Variants in CLYBL observed in about 807,000 individuals in gnomAD.
The protein encoded by CLYBL is citramalyl-CoA lyase, also known as citramalyl-CoA lyase, mitochondrial.
In CLYBL, 31 loss-of-function variants were observed where a neutral mutation model predicts 38.9. The ratio of observed to expected loss-of-function variants is 0.80; its 90% CI spans 0.60 to 1.08. The LOEUF (loss-of-function observed/expected upper bound fraction) is 1.08. CLYBL is among the 50% of genes least tolerant of loss of function. The pLI, the probability that CLYBL is intolerant of heterozygous loss-of-function variation, is 0.00. For synonymous variants in CLYBL, 171 were observed against 158.6 expected (o/e 1.08, Z -0.59); for missense variants, 434 against 411.6 (o/e 1.05, Z -0.47).
intron 1 of CLYBL, among the ~76,000 whole-genome samples, chr13:99,618,411 G>GTA (rs1389919830): frequency 1.3e-4 from 20 of 152,066 alleles, no homozygotes; most frequent in African/African-American, 4.1e-4. Context: ...TGGGATTACA[G>GTA]GTGCCCGCCA....
chr13:99,749,902 C>A (rs1398505560), intron 1 of CLYBL, among the ~76,000 whole-genome samples: 1 of 152,162 alleles, frequency 6.6e-6, no homozygotes, highest in Non-Finnish European at 1.5e-5. Flanking sequence ...TACTTGGGAA[C>A]TTAGCAAAGT....
chr13:99,646,907 C>T (rs748163376), intron 1 of CLYBL, among the ~76,000 whole-genome samples: 2 of 152,296 alleles, frequency 1.3e-5, no homozygotes, highest in African/African-American at 4.8e-5. Flanking sequence ...ATAGCTACTT[C>T]TCAGTACCTT....
At chr13:99,637,099 T>G (rs2047028766) in intron 1 of CLYBL, among the ~76,000 whole-genome samples, 1 of 152,198 alleles carries the variant, frequency 6.6e-6, no homozygotes, top group South Asian at 2.1e-4. Flanking sequence ...AGGCTGGTCT[T>G]GAACCCCTGG....
chr13:99,805,501 C>A (rs912974623), intron 2 of CLYBL, among the ~76,000 whole-genome samples: 4 of 151,786 alleles, frequency 2.6e-5, no homozygotes, highest in Admixed American at 1.3e-4. Flanking sequence ...AGAAAGGGAG[C>A]GGTACTGACA....
chr13:99,814,503 G>A (rs151193063), intron 2 of CLYBL, among the ~76,000 whole-genome samples: 11 of 152,292 alleles, frequency 7.2e-5, no homozygotes, highest in Non-Finnish European at 1.0e-4. Flanking sequence ...CAAGAGGATC[G>A]CTTGAGCCCA....
intron 1 of CLYBL, among the ~76,000 whole-genome samples, chr13:99,733,986 T>C (rs1594147661): frequency 6.6e-6 from 1 of 152,340 alleles, no homozygotes; most frequent in Admixed American, 6.5e-5. Flanking sequence ...TTTATTTTGT[T>C]CAGACCCAAA....
intron 2 of CLYBL, among the ~76,000 whole-genome samples, chr13:99,857,663 C>T (rs1655859522): frequency 6.6e-6 from 1 of 152,196 alleles, no homozygotes; most frequent in Non-Finnish European, 1.5e-5. Flanking sequence ...CTCATAGACC[C>T]ACATCTGTCT....
chr13:99,799,375 ATT>A (rs999173627), intron 2 of CLYBL, among the ~76,000 whole-genome samples: 3 of 137,008 alleles, frequency 2.2e-5, no homozygotes, highest in Non-Finnish European at 3.1e-5. Context: ...ATATACACAC[ATT>A]CACACACACA....
intron 7 of CLYBL, among the ~76,000 whole-genome samples, chr13:99,880,069 T>TATA (rs376889710): frequency 0.065 from 3,749 of 57,494 alleles, 58 homozygotes; most frequent in Middle Eastern, 0.11. Flanking sequence ...TATATATATA[T>TATA]TTTTTTTTTT....
chr13:99,900,282 C>T (rs1376277761), downstream of CLYBL, among the ~76,000 whole-genome samples: 1 of 152,136 alleles, frequency 6.6e-6, no homozygotes, highest in Non-Finnish European at 1.5e-5. Context: ...AAAACGTGTT[C>T]AAATTCTGGG....
chr13:99,720,910 C>CT (rs1053436575), intron 1 of CLYBL, among the ~76,000 whole-genome samples: 2 of 152,068 alleles, frequency 1.3e-5, no homozygotes, highest in Non-Finnish European at 2.9e-5. Flanking sequence ...AGTCCTCATT[C>CT]TTTCTATTCT....
chr13:99,798,996 G>A (rs1351567966), intron 2 of CLYBL, among the ~76,000 whole-genome samples: 1 of 152,098 alleles, frequency 6.6e-6, no homozygotes, highest in Non-Finnish European at 1.5e-5. Flanking sequence ...CAATAACAAA[G>A]AAAATCATCA....
At chr13:99,665,588 T>TA (rs576278832) in intron 1 of CLYBL, among the ~76,000 whole-genome samples, 104 of 145,264 alleles carry the variant, frequency 7.2e-4, no homozygotes, top group Non-Finnish European at 7.9e-4. Flanking sequence ...TCCCAAAGGT[T>TA]AAAAAAAAAA....
intron 1 of CLYBL, among the ~76,000 whole-genome samples, chr13:99,626,196 G>T (rs1194401881): frequency 6.6e-6 from 1 of 152,238 alleles, no homozygotes; most frequent in Non-Finnish European, 1.5e-5. Context: ...CATTCCCAGG[G>T]AAGCTGCCCT....
At chr13:99,655,887 A>G (rs1048040007) in intron 1 of CLYBL, among the ~76,000 whole-genome samples, 1 of 152,212 alleles carries the variant, frequency 6.6e-6, no homozygotes, top group African/African-American at 2.4e-5. Flanking sequence ...CCCCCCAGAA[A>G]GGTTAACATA....
chr13:99,866,232 A>G lies in CLYBL; in HGVS notation c.635-8A>G. The G allele has an allele frequency of 6.2e-7, 1 of 1,612,690 alleles. No individual in the cohort carries two copies. The highest frequency in any genetic ancestry group is 1.1e-5 in the South Asian group (1 of 90,838). On this transcript the variant is annotated splice_polypyrimidine_tract_variant and splice_region_variant and intron_variant, in intron 5 of 8. Transcript: ENST00000339105. ...AGCCTCCTTTTTCTGTTAACATCCCATTTTCAGGTGCAACAAGTAGTAAAG... is the reference window on the plus strand; with the variant it reads ...AGCCTCCTTTTTCTGTTAACATCCCGTTTTCAGGTGCAACAAGTAGTAAAG...
chr13:99,759,566 G>A (rs1328326474), intron 1 of CLYBL, among the ~76,000 whole-genome samples: 1 of 152,112 alleles, frequency 6.6e-6, no homozygotes, highest in Non-Finnish European at 1.5e-5. Flanking sequence ...GCAGAGAGAT[G>A]TGAGACCACC....
chr13:99,842,826 G>A (rs899393882), intron 2 of CLYBL, among the ~76,000 whole-genome samples: 2 of 152,094 alleles, frequency 1.3e-5, no homozygotes, highest in Middle Eastern at 3.4e-3. Context: ...AGGATCCCTC[G>A]AGCCCAGGAG....
chr13:99,870,498 A>G (rs570647708), intron 6 of CLYBL, among the ~76,000 whole-genome samples: 83 of 152,246 alleles, frequency 5.5e-4, no homozygotes, highest in Non-Finnish European at 9.3e-4. Context: ...GGAAAGAGGT[A>G]TAATTCTACA....
Sources: allele counts gnomAD v4.1 joint callset (sites outside exome capture counted in the v4.1 genomes callset), GRCh38; gene constraint gnomAD v4.1.1; transcripts MANE v1.5; gene names NCBI Gene and HGNC (gene_info 2026-07-23, HGNC 2026-07-21).